The following ATRNL1 variants were observed in gnomAD, a reference collection of about 807,000 sequenced individuals.
The protein encoded by ATRNL1 is attractin-like protein 1.
Under a neutral mutation model 182.7 loss-of-function variants are expected in ATRNL1, and 95 were observed. That is an observed-to-expected ratio of 0.52 (90% CI 0.44 to 0.62). The LOEUF is 0.62. Among genes scored for constraint, ATRNL1 ranks in the 20% least tolerant of loss-of-function variants. ATRNL1 has a pLI of 0.00. For synonymous variants in ATRNL1, 576 were observed against 568.3 expected, an observed-to-expected ratio of 1.01 and a Z score of -0.19; for missense variants, 1,471 against 1,679.5, an observed-to-expected ratio of 0.88 and a Z score of 2.17.
chr10:115,411,015 C>T (rs1845113137), intron 20 of ATRNL1, among the ~76,000 whole-genome samples: 1 of 152,098 alleles, frequency 6.6e-6, no homozygotes, highest in African/African-American at 2.4e-5. Flanking sequence ...GGACTACAGG[C>T]ATGAGTCATC....
chr10:115,708,405 A>G (rs779486862), intron 26 of ATRNL1, among the ~76,000 whole-genome samples: 5 of 151,768 alleles, frequency 3.3e-5, no homozygotes, highest in Admixed American at 6.6e-5. Context: ...TGAAGATACA[A>G]TCACTTTAAA....
At chr10:115,914,971 A>G (rs1400672446) in intron 28 of ATRNL1, among the ~76,000 whole-genome samples, 1 of 152,262 alleles carries the variant, frequency 6.6e-6, no homozygotes, top group African/African-American at 2.4e-5. Flanking sequence ...CTAGAATACA[A>G]TATATGGTTA....
intron 1 of ATRNL1, among the ~76,000 whole-genome samples, chr10:115,104,739 G>GTCCAGCTTCATTATTC (rs1554865472): frequency 2.6e-5 from 4 of 152,156 alleles, no homozygotes; most frequent in African/African-American, 9.6e-5. Flanking sequence ...AGAGATAGGG[G>GTCCAGCTTCATTATTC]TCCAGCTTCA....
At chr10:115,900,119 A>T (rs1291277598) in intron 28 of ATRNL1, among the ~76,000 whole-genome samples, 1 of 152,248 alleles carries the variant, frequency 6.6e-6, no homozygotes, top group Non-Finnish European at 1.5e-5. Context: ...AACTTGATTC[A>T]TGACATAGTT....
intron 19 of ATRNL1, among the ~76,000 whole-genome samples, chr10:115,384,812 C>T (rs1263495873): frequency 4.0e-5 from 6 of 151,358 alleles, no homozygotes; most frequent in Non-Finnish European, 5.9e-5. Flanking sequence ...TTAAATAGAA[C>T]TTTCGTTTCT....
At chr10:115,840,971 C>T (rs782326295) in intron 27 of ATRNL1, among the ~76,000 whole-genome samples, 1 of 152,128 alleles carries the variant, frequency 6.6e-6, no homozygotes, top group Non-Finnish European at 1.5e-5. Context: ...GAAACTCATA[C>T]ATCAAGTATA....
intron 26 of ATRNL1, among the ~76,000 whole-genome samples, chr10:115,641,961 A>G (rs1039827771): frequency 1.3e-5 from 2 of 152,092 alleles, no homozygotes; most frequent in Non-Finnish European, 2.9e-5. Flanking sequence ...TTTGAAAAGT[A>G]TGTGATTGAT....
rs190030725 is a variant in ATRNL1 at position 115,462,709 on chromosome 10, T to C, written c.3417+674T>C. ...CCATTCCACAGTAATATGATTTGTC[T>C]TTTTTCTCAGTCAGTAGTTTATCTG... On this transcript the variant is annotated intron_variant, in intron 22 of 28. Transcript: ENST00000355044. Among the ~76,000 whole-genome samples the C allele has an allele frequency of 2.4e-3, 372 of 152,300 alleles. 1 individual carries two copies. The highest frequency in any genetic ancestry group is 8.5e-3 in the African/African-American group (352 of 41,564).
At chr10:115,533,909 C>G (rs1467579153) in intron 25 of ATRNL1, among the ~76,000 whole-genome samples, 7 of 148,588 alleles carry the variant, frequency 4.7e-5, no homozygotes, top group African/African-American at 1.7e-4. Flanking sequence ...TGTAGTTGAG[C>G]GGTTTTGAGT....
chr10:115,786,347 G>T (rs1949396436), intron 27 of ATRNL1, among the ~76,000 whole-genome samples: 2 of 152,116 alleles, frequency 1.3e-5, no homozygotes, highest in South Asian at 4.2e-4. Context: ...CAACAGAAGT[G>T]TATGGTTTCA....
In ATRNL1 at chr10:115,659,128, C is replaced by T. The variant is rs1198241173; in HGVS notation, c.3796-68120C>T. Among the ~76,000 whole-genome samples, 11 of 152,002 alleles carry T rather than the reference C, an allele frequency of 7.2e-5. No individual in the cohort carries two copies. The East Asian group carries it at 2.1e-3, about 30-fold the overall frequency. On this transcript the variant is annotated intron_variant, in intron 26 of 28. Coordinates refer to ENST00000355044, the MANE Select transcript of ATRNL1 (RefSeq NM_207303.4). ...TCAAGATGAGATTTGGGTGGGGACACAGCCAAAACATATCACCATCTCTAC... is the reference window on the plus strand; with the variant it reads ...TCAAGATGAGATTTGGGTGGGGACATAGCCAAAACATATCACCATCTCTAC...
intron 28 of ATRNL1, chr10:115,909,524 A>T (rs1421983834): frequency 6.6e-6 from 1 of 150,806 alleles, no homozygotes; most frequent in African/African-American, 2.4e-5. Flanking sequence ...ACCCTCCCCA[A>T]ACCAGATCTG....
chr10:115,472,520 C>T (rs572105241), intron 24 of ATRNL1, among the ~76,000 whole-genome samples: 12 of 151,020 alleles, frequency 7.9e-5, no homozygotes, highest in African/African-American at 2.9e-4. Flanking sequence ...GAATTTCTTT[C>T]ATCAATGCTT....
intron 22 of ATRNL1, among the ~76,000 whole-genome samples, chr10:115,465,182 C>A (rs183578262): frequency 6.5e-4 from 98 of 151,752 alleles, no homozygotes; most frequent in Admixed American, 5.9e-4. Flanking sequence ...TTCACTAATT[C>A]TTTTCATTGC....
chr10:115,934,664 T>C (rs1189056336), intron 28 of ATRNL1, among the ~76,000 whole-genome samples: 3 of 152,188 alleles, frequency 2.0e-5, no homozygotes, highest in Non-Finnish European at 4.4e-5. Context: ...CTGGTTTCAA[T>C]AATAGTAGCC....
chr10:115,459,358 A>G (rs1230456065), intron 21 of ATRNL1, among the ~76,000 whole-genome samples: 1 of 152,142 alleles, frequency 6.6e-6, no homozygotes, highest in Non-Finnish European at 1.5e-5. Flanking sequence ...TCAAAAGCAA[A>G]TGGGAGAAAT....
At chr10:115,804,136 T>A (rs192996762) in intron 27 of ATRNL1, among the ~76,000 whole-genome samples, 2 of 152,136 alleles carry the variant, frequency 1.3e-5, no homozygotes, top group African/African-American at 4.8e-5. Flanking sequence ...GTCCAAAACA[T>A]GTAGCAAGTA....
chr10:115,761,234 A>G (rs1948728657), intron 27 of ATRNL1, among the ~76,000 whole-genome samples: 1 of 152,226 alleles, frequency 6.6e-6, no homozygotes, highest in Non-Finnish European at 1.5e-5. Context: ...ATTGGCCTCA[A>G]ATACTGTTAA....
At chr10:115,483,669 G>A (rs1057348925) in intron 24 of ATRNL1, among the ~76,000 whole-genome samples, 2 of 151,464 alleles carry the variant, frequency 1.3e-5, no homozygotes, top group African/African-American at 4.8e-5. Flanking sequence ...AAGAAATCGT[G>A]TAATTATATG....
Sources: gnomAD v4.1 joint callset for allele counts (sites outside exome capture counted in the v4.1 genomes callset) on GRCh38, gnomAD v4.1.1 for gene constraint, MANE v1.5 for transcripts, NCBI Gene and HGNC (gene_info 2026-07-23, HGNC 2026-07-21) for gene names.